Variants in TRIM44 observed in about 807,000 individuals in gnomAD.
The protein encoded by TRIM44 is tripartite motif containing 44.
Under a neutral mutation model 37.4 loss-of-function variants are expected in TRIM44, and 13 were observed. The ratio of observed to expected loss-of-function variants is 0.35; its 90% CI spans 0.23 to 0.55. TRIM44 has a LOEUF of 0.55. TRIM44 is among the 20% of genes least tolerant of loss of function. TRIM44 has a pLI of 0.89. For missense variants in TRIM44, 426 were observed against 437.2 expected (o/e 0.97, Z 0.23); for synonymous variants, 175 against 157.2 (o/e 1.11, Z -0.85).
At chr11:35,722,140 G>C (rs1852117522) in intron 2 of TRIM44, among the ~76,000 whole-genome samples, 1 of 152,156 alleles carries the variant, frequency 6.6e-6, no homozygotes, top group Non-Finnish European at 1.5e-5. Flanking sequence ...TCCATTTCCT[G>C]CTTTTTTGTT....
At chr11:35,806,263 A>G in intron 4 of TRIM44, 95 bp from the exon 5 acceptor site, 1 of 1,335,596 alleles carries the variant, frequency 7.5e-7, no homozygotes, top group Non-Finnish European at 1.1e-6. Flanking sequence ...AATTCCAGGT[A>G]TGTCTGACAT....
intron 3 of TRIM44, among the ~76,000 whole-genome samples, chr11:35,730,457 G>T (rs1852242460): frequency 2.0e-5 from 3 of 152,140 alleles, no homozygotes; most frequent in African/African-American, 7.2e-5. Flanking sequence ...CTAAAATTTG[G>T]CTGAAAGACA....
At chr11:35,685,670 CT>C (rs1386402558) in intron 2 of TRIM44, among the ~76,000 whole-genome samples, 23 of 147,252 alleles carry the variant, frequency 1.6e-4, no homozygotes, top group Non-Finnish European at 1.4e-4. Flanking sequence ...TACAGATCAT[CT>C]TTTTTTTTTT....
chr11:35,713,159 G>A (rs1178988755), intron 2 of TRIM44, among the ~76,000 whole-genome samples: 4 of 152,268 alleles, frequency 2.6e-5, no homozygotes, highest in South Asian at 2.1e-4. Flanking sequence ...TTACACCTAC[G>A]AAGAGACATT....
intron 4 of TRIM44, among the ~76,000 whole-genome samples, chr11:35,758,890 C>G (rs1205477911): frequency 6.6e-6 from 1 of 152,192 alleles, no homozygotes; most frequent in African/African-American, 2.4e-5. Context: ...GATGGGCTTC[C>G]CTTTGTGGGT....
At position 35,741,933 on chromosome 11, in the gene TRIM44, C is replaced by T. The variant is rs145979460; in HGVS notation, c.1007+6488C>T. Among the ~76,000 whole-genome samples the T allele has an allele frequency of 1.8e-3, 281 of 152,090 alleles. 3 individuals carry two copies. The highest frequency in any genetic ancestry group is 6.5e-3 in the African/African-American group (270 of 41,492). On this transcript the variant is annotated intron_variant, in intron 4 of 4. Transcript: ENST00000299413. Reference sequence around the variant, plus strand: ...AACCATTTTAATTTTATCTATCTATCTATTTATTTATTTATGAGACAGGGA... The same window carrying T: ...AACCATTTTAATTTTATCTATCTATTTATTTATTTATTTATGAGACAGGGA...
At chr11:35,789,598 T>G (rs1379109614) in intron 4 of TRIM44, among the ~76,000 whole-genome samples, 1 of 152,212 alleles carries the variant, frequency 6.6e-6, no homozygotes, top group Non-Finnish European at 1.5e-5. Context: ...TCTCTGGCTG[T>G]GCACTCCTGC....
At chr11:35,797,266 A>T (rs1590608043) in intron 4 of TRIM44, among the ~76,000 whole-genome samples, 1 of 152,238 alleles carries the variant, frequency 6.6e-6, no homozygotes, top group African/African-American at 2.4e-5. Flanking sequence ...ATTATAACCC[A>T]AAGAATAAAA....
chr11:35,663,196 G>C lies in TRIM44; in HGVS notation c.85G>C (p.Ala29Pro). The C allele has an allele frequency of 6.3e-7, 1 of 1,593,454 alleles. No homozygotes were observed. Residue 29 changes from alanine (A) to proline (P), a missense_variant, in exon 1 of 5, where the codon GCC becomes CCC. Transcript: ENST00000299413. ...GTGCGAGCCCGACGAGGCTCCGGGG[G>C]CCGAGGAAGTGTGCCGAGAATGCGG... ...DECEPDEAPG[A>P]EEVCRECGFC... is the part of the protein sequence containing the mutation.
At chr11:35,795,517 A>G (rs544203170) in intron 4 of TRIM44, among the ~76,000 whole-genome samples, 6 of 152,070 alleles carry the variant, frequency 3.9e-5, no homozygotes, top group African/African-American at 1.4e-4. Flanking sequence ...TGCTGCTAAG[A>G]TTTTGAGCAC....
At position 35,811,523 on chromosome 11, in the gene TRIM44, T is replaced by C. The variant is rs925242951; in HGVS notation, c.*5138T>C. The C allele has an allele frequency of 1.3e-5, 2 of 152,164 alleles. No homozygotes were observed. Among genetic ancestry groups the C allele is most frequent in the African/African-American group, 4.8e-5 (2 of 41,434 alleles). The allele number at this position is 152,164 out of a possible 1,614,324, so 9.4% of individuals were successfully genotyped here. A position where few individuals can be genotyped will look rare whatever the true frequency, so the allele number is the denominator to read the frequency against. ...TTTAGAAATACATATTTGCATGTAA[T>C]TGATGAAAACATAGAATGAGTTGTA... On this transcript the variant is annotated 3_prime_UTR_variant, in exon 5 of 5. Coordinates refer to ENST00000299413, the MANE Select transcript of TRIM44 (RefSeq NM_017583.6).
At chr11:35,781,230 A>ACTTCAC (rs1445371815) in intron 4 of TRIM44, among the ~76,000 whole-genome samples, 2 of 152,134 alleles carry the variant, frequency 1.3e-5, no homozygotes, top group Non-Finnish European at 2.9e-5. Flanking sequence ...CCATCAGACC[A>ACTTCAC]CTTCACGTTT....
intron 1 of TRIM44, among the ~76,000 whole-genome samples, chr11:35,668,256 TG>T (rs1315559230): frequency 2.0e-5 from 3 of 152,228 alleles, no homozygotes; most frequent in Non-Finnish European, 4.4e-5. Flanking sequence ...TGTGCAGGTT[TG>T]TTACATAGGT....
chr11:35,718,286 C>G (rs1852062019), intron 2 of TRIM44, among the ~76,000 whole-genome samples: 2 of 151,906 alleles, frequency 1.3e-5, no homozygotes, highest in Admixed American at 1.3e-4. Flanking sequence ...TGATGGTCAC[C>G]CCACCCCCAG....
At chr11:35,698,985 T>C (rs1456860007) in intron 2 of TRIM44, among the ~76,000 whole-genome samples, 1 of 144,974 alleles carries the variant, frequency 6.9e-6, no homozygotes, top group African/African-American at 2.6e-5. Flanking sequence ...AGGGATCCAG[T>C]TTCAGCTTTC....
chr11:35,773,373 T>G (rs1315405426), intron 4 of TRIM44, among the ~76,000 whole-genome samples: 1 of 152,164 alleles, frequency 6.6e-6, no homozygotes. Flanking sequence ...TGTTATCGAT[T>G]CCAGATGTTA....
intron 1 of TRIM44, among the ~76,000 whole-genome samples, chr11:35,682,230 C>T (rs559787012): frequency 6.6e-6 from 1 of 152,240 alleles, no homozygotes; most frequent in Non-Finnish European, 1.5e-5. Flanking sequence ...AGAGCCTCTC[C>T]TTGAGTCCGT....
intron 4 of TRIM44, among the ~76,000 whole-genome samples, chr11:35,775,704 C>T (rs936159831): frequency 2.6e-5 from 4 of 152,098 alleles, no homozygotes; most frequent in African/African-American, 9.7e-5. Flanking sequence ...TGTCAAAGGC[C>T]TTTTCTGCAT....
chr11:35,806,479 A>C lies in TRIM44; in HGVS notation c.*94A>C. 7.2e-7 allele frequency: 1 copy of C among 1,388,194 alleles called. No homozygotes were observed. Among genetic ancestry groups the C allele is most frequent in the Non-Finnish European group, 1.0e-6 (1 of 975,848 alleles). 86.0% of individuals were successfully genotyped at this position (1,388,194 alleles called of 1,614,324 possible). A position where few individuals can be genotyped will look rare whatever the true frequency, so the allele number is the denominator to read the frequency against. On this transcript the variant is annotated 3_prime_UTR_variant, in exon 5 of 5. Transcript: ENST00000299413. ...CTTCTGATTTCTGTGAAAGCTGCTC[A>C]GCAACAAACGTACTTCCACCAGATG...
Sources: allele counts gnomAD v4.1 joint callset (sites outside exome capture counted in the v4.1 genomes callset), GRCh38; gene constraint gnomAD v4.1.1; transcripts MANE v1.5; gene names NCBI Gene and HGNC (gene_info 2026-07-23, HGNC 2026-07-21).